FBXO15: variants seen among roughly 807,000 people sequenced by gnomAD.
FBXO15 encodes the protein F-box protein 15, also known as F-box only protein 15.
FBXO15 carries 30 observed loss-of-function variants against 49.5 expected under a neutral mutation model. That is an observed-to-expected ratio of 0.61 (90% CI 0.45 to 0.82). The LOEUF is 0.82. FBXO15 is among the 40% of genes least tolerant of loss of function. FBXO15 has a pLI of 0.00. For synonymous variants in FBXO15, 250 were observed against 232.7 expected, an observed-to-expected ratio of 1.07 and a Z score of -0.68; for missense variants, 591 against 631.5, an observed-to-expected ratio of 0.94 and a Z score of 0.69.
intron 9 of FBXO15, among the ~76,000 whole-genome samples, chr18:74,081,163 C>T (rs533673827): frequency 6.6e-6 from 1 of 152,278 alleles, no homozygotes; most frequent in South Asian, 2.1e-4. Flanking sequence ...ATGATAACAC[C>T]ACTCTTGGTC....
In FBXO15 at chr18:74,074,735, C is replaced by G. The variant is rs948762182; in HGVS notation, c.1264-1005G>C. ...ACATAGTCGGCATGCATTACATACA[C>G]TAAGCATAAACGTCATTTCATGAAC... On this transcript the variant is annotated intron_variant, in intron 9 of 9. Transcript: ENST00000419743. This position sits in a 1 kb window ranked among gnomAD's most constrained non-coding sequence, Gnocchi z 4.7. Among the ~76,000 whole-genome samples, 2 of 152,250 alleles carry G rather than the reference C, an allele frequency of 1.3e-5. No homozygotes were observed. Among genetic ancestry groups the G allele is most frequent in the Non-Finnish European group, 2.9e-5 (2 of 68,048 alleles).
intron 8 of FBXO15, 35 bp from the exon 9 acceptor site, chr18:74,082,086 T>A (rs1286617140): frequency 6.2e-7 from 1 of 1,602,118 alleles, no homozygotes; most frequent in Non-Finnish European, 8.5e-7. Flanking sequence ...ATCACTGTCT[T>A]CCAGTGCAAG....
intron 8 of FBXO15, among the ~76,000 whole-genome samples, chr18:74,095,590 A>G (rs1452581784): frequency 6.6e-6 from 1 of 152,218 alleles, no homozygotes; most frequent in Non-Finnish European, 1.5e-5. Context: ...AGGTGCCCCA[A>G]AACAGTTACA....
At chr18:74,092,061 G>A (rs1196181271) in intron 8 of FBXO15, among the ~76,000 whole-genome samples, 1 of 152,132 alleles carries the variant, frequency 6.6e-6, no homozygotes, top group Non-Finnish European at 1.5e-5. Flanking sequence ...ATTTCTTGGA[G>A]ATTTTTTTCA....
intron 5 of FBXO15, among the ~76,000 whole-genome samples, chr18:74,126,936 G>A (rs748480166): frequency 5.3e-5 from 8 of 152,202 alleles, no homozygotes; most frequent in South Asian, 4.1e-4. Flanking sequence ...AGAGACGGTC[G>A]GTGAACGTGT....
At chr18:74,121,386 A>G (rs1326991100) in intron 8 of FBXO15, among the ~76,000 whole-genome samples, 1 of 152,102 alleles carries the variant, frequency 6.6e-6, no homozygotes, top group Non-Finnish European at 1.5e-5. Context: ...TACTTCATAA[A>G]TATCTTAACA....
intron 8 of FBXO15, among the ~76,000 whole-genome samples, chr18:74,085,757 C>A (rs1599136526): frequency 6.6e-6 from 1 of 152,176 alleles, no homozygotes; most frequent in Non-Finnish European, 1.5e-5. Flanking sequence ...GACATCCACA[C>A]TGGGAAAGAA....
At chr18:74,144,685 A>G (rs1398532395) in intron 1 of FBXO15, among the ~76,000 whole-genome samples, 2 of 152,156 alleles carry the variant, frequency 1.3e-5, no homozygotes, top group East Asian at 3.8e-4. Flanking sequence ...AAAATGTATT[A>G]TATTATTTAC....
chr18:74,096,788 G>A (rs1282257269), intron 8 of FBXO15, among the ~76,000 whole-genome samples: 1 of 152,124 alleles, frequency 6.6e-6, no homozygotes, highest in African/African-American at 2.4e-5. Context: ...ACACAGAAAA[G>A]CAATTCAGGA....
At chr18:74,084,123 C>G (rs9945464) in intron 8 of FBXO15, among the ~76,000 whole-genome samples, 2 of 152,130 alleles carry the variant, frequency 1.3e-5, no homozygotes, top group Non-Finnish European at 2.9e-5. Flanking sequence ...TAATTACTAG[C>G]CAATAATTTA....
Position 74,073,615 on chromosome 18 carries a change from A to G in FBXO15, c.1379T>C (p.Leu460Ser), listed in dbSNP as rs766930042. The change falls in exon 10 of 10, where the codon TTG (leucine) becomes TCG (serine). Residue 460 changes from leucine to serine, a missense_variant. Physicochemically the swap from Leu to Ser is moderately radical, Grantham distance 145. Coordinates refer to ENST00000419743, the MANE Select transcript of FBXO15 (RefSeq NM_001142958.2). Reference protein sequence around the residue: ...PATPSDSSSFLGQTYNVDYVD... With the variant: ...PATPSDSSSFSGQTYNVDYVD... The stretch of plus-strand genomic sequence containing the variant: ...GTAGTCCACGTTGTATGTCTGTCCC[A>G]AGAAGCTAGAGCTGTCAGAGGGTGT... 6.2e-7 allele frequency: 1 copy of G among 1,614,192 alleles called. No homozygotes were observed. The highest frequency in any genetic ancestry group is 8.5e-7 in the Non-Finnish European group (1 of 1,180,038).
chr18:74,086,460 A>G (rs62096990), intron 8 of FBXO15, among the ~76,000 whole-genome samples: 40,124 of 151,966 alleles, frequency 0.26, 7,797 homozygotes, highest in African/African-American at 0.54. Context: ...ACGGAGTCTC[A>G]CTCTGTCGCA....
At position 74,112,587 on chromosome 18, in the gene FBXO15, T is replaced by C. The variant is rs569598419; in HGVS notation, c.1138+10781A>G. Reference sequence around the variant, plus strand: ...TGGTGAGAAACTCGAAACTTTCTCATTAAGATCAGCAACAGAGCAAGGATG... The same window carrying C: ...TGGTGAGAAACTCGAAACTTTCTCACTAAGATCAGCAACAGAGCAAGGATG... On this transcript the variant is annotated intron_variant, in intron 8 of 9. Transcript: ENST00000419743. Among the ~76,000 whole-genome samples the C allele has an allele frequency of 3.9e-5, 6 of 152,348 alleles. No individual in the cohort carries two copies. In the South Asian group the frequency reaches 1.2e-3, roughly 32 times the overall value.
At chr18:74,086,986 T>A (rs537352213) in intron 8 of FBXO15, among the ~76,000 whole-genome samples, 63 of 152,184 alleles carry the variant, frequency 4.1e-4, no homozygotes, top group Admixed American at 1.2e-3. Flanking sequence ...AAAAAGCAAG[T>A]CACATAAATT....
At chr18:74,095,578 T>C (rs1053238954) in intron 8 of FBXO15, among the ~76,000 whole-genome samples, 1 of 152,192 alleles carries the variant, frequency 6.6e-6, no homozygotes, top group Admixed American at 6.5e-5. Context: ...GGGCACTGTC[T>C]GAGGTGCCCC....
chr18:74,078,097 C>T (rs1361081221), intron 9 of FBXO15, among the ~76,000 whole-genome samples: 1 of 152,124 alleles, frequency 6.6e-6, no homozygotes, highest in African/African-American at 2.4e-5. Flanking sequence ...ACGCTGCTCA[C>T]AGCCCTAAGC....
chr18:74,138,396 G>A (rs905069113), intron 2 of FBXO15, among the ~76,000 whole-genome samples: 3 of 152,078 alleles, frequency 2.0e-5, no homozygotes, highest in African/African-American at 7.2e-5. Flanking sequence ...TCCCCAGGCC[G>A]CAGGTCACCG....
chr18:74,128,967 C>T (rs1978306388), intron 5 of FBXO15, among the ~76,000 whole-genome samples: 1 of 152,110 alleles, frequency 6.6e-6, no homozygotes, highest in Non-Finnish European at 1.5e-5. Flanking sequence ...GAGTAAGTTA[C>T]TTGCACAAGA....
In FBXO15 at chr18:74,126,044, G is replaced by A; in HGVS notation, c.843C>T (p.Thr281=). Residue 281 remains threonine (T), a synonymous_variant, in exon 6 of 10, where the codon ACC becomes ACT. Coordinates refer to ENST00000419743, the MANE Select transcript of FBXO15 (RefSeq NM_001142958.2). ...GAATGAGTCTGTCACAGCCAATCAT[G>A]GTAGATATGGTCAAATGACTCAGAT... ...KYNLSHLTIS[T]MIGCDRLIRI... is the part of the protein sequence containing the mutation. 1 of 1,614,052 alleles carries A rather than the reference G, an allele frequency of 6.2e-7. No homozygotes were observed. The highest frequency in any genetic ancestry group is 8.5e-7 in the Non-Finnish European group (1 of 1,179,974).
Sources: gnomAD v4.1 joint callset for allele counts (sites outside exome capture counted in the v4.1 genomes callset) on GRCh38, gnomAD v4.1.1 for gene constraint, Gnocchi (gnomAD v3.1) non-coding constraint, MANE v1.5 for transcripts, NCBI Gene and HGNC (gene_info 2026-07-23, HGNC 2026-07-21) for gene names.